Variants in ANP32A observed in about 807,000 individuals in gnomAD.
ANP32A encodes the protein acidic leucine-rich nuclear phosphoprotein 32 family member A.
Under a neutral mutation model 33.9 loss-of-function variants are expected in ANP32A, and 1 was observed. The observed-to-expected ratio is 0.03, with a 90% CI of 0.01 to 0.14. ANP32A has a LOEUF of 0.14. Among genes scored for constraint, ANP32A ranks in the 10% least tolerant of loss-of-function variants. The pLI, the probability that ANP32A is intolerant of heterozygous loss-of-function variation, is 1.00. For missense variants in ANP32A, 155 were observed against 306.0 expected, an observed-to-expected ratio of 0.51 and a Z score of 3.68; for synonymous variants, 115 against 120.5, an observed-to-expected ratio of 0.95 and a Z score of 0.30.
At chr15:68,814,043 G>C (rs1351058568) in intron 1 of ANP32A, among the ~76,000 whole-genome samples, 2 of 151,990 alleles carry the variant, frequency 1.3e-5, no homozygotes, top group Non-Finnish European at 2.9e-5. Flanking sequence ...CTAATTTTTT[G>C]TATTTTTACT....
rs564973986 is a variant in ANP32A, at chr15:68,799,404, CTTG to C, written c.55-11488_55-11486del. ...GTTTGGTGGTAGAACCTTACCTACACTTGTTGTTTTTTAAAAAGAGTGCAGGTT... is the reference window on the plus strand; with the variant it reads ...GTTTGGTGGTAGAACCTTACCTACACTTGTTTTTTAAAAAGAGTGCAGGTT... On this transcript the variant is annotated intron_variant, in intron 1 of 6. Coordinates refer to ENST00000465139, the MANE Select transcript of ANP32A (RefSeq NM_006305.4). Among the ~76,000 whole-genome samples, 5 of 152,254 alleles carry C rather than the reference CTTG, an allele frequency of 3.3e-5. No homozygotes were observed. The South Asian group carries it at 1.0e-3, about 32-fold the overall frequency.
chr15:68,786,504 C>A (rs1225748131), intron 3 of ANP32A, among the ~76,000 whole-genome samples: 1 of 152,096 alleles, frequency 6.6e-6, no homozygotes, highest in Non-Finnish European at 1.5e-5. Context: ...AGGTGATCCA[C>A]CTGCCTTGCC....
intron 1 of ANP32A, among the ~76,000 whole-genome samples, chr15:68,803,798 CTTTTTTTT>C (rs3985625): frequency 9.9e-6 from 1 of 101,156 alleles, no homozygotes; most frequent in Non-Finnish European, 1.9e-5. Flanking sequence ...ATTTCACAAA[CTTTTTTTT>C]TTTTTTTTTT....
chr15:68,796,741 G>A (rs1003507351), intron 1 of ANP32A, among the ~76,000 whole-genome samples: 1 of 152,306 alleles, frequency 6.6e-6, no homozygotes. Context: ...GCTTTGGTCC[G>A]CCTTGCCGCT....
Position 68,784,611 on chromosome 15 carries a change from T to C in ANP32A, c.328-16A>G, listed in dbSNP as rs1272159082. ...CTAACTTTTTCTGCAAGCGGAAAAA[T>C]GAAGCCAACAGTAAGTGATTTGTGG... On this transcript the variant is annotated splice_polypyrimidine_tract_variant and intron_variant, in intron 3 of 6. Transcript: ENST00000465139. 4 of 1,613,704 alleles carry C rather than the reference T, an allele frequency of 2.5e-6. No individual in the cohort carries two copies. Among genetic ancestry groups the C allele is most frequent in the Non-Finnish European group, 3.4e-6 (4 of 1,179,806 alleles).
chr15:68,787,728 C>A, intron 2 of ANP32A, 42 bp downstream of exon 2: 2 of 1,604,776 alleles, frequency 1.2e-6, no homozygotes, highest in South Asian at 1.1e-5. Context: ...TTCCCACTCC[C>A]CACCCCCGCC....
chr15:68,806,794 T>C (rs1026363583), intron 1 of ANP32A, among the ~76,000 whole-genome samples: 4 of 152,138 alleles, frequency 2.6e-5, no homozygotes, highest in African/African-American at 9.7e-5. Flanking sequence ...CGTGCAGAAG[T>C]GGAAGGAACG....
At chr15:68,805,275 G>C (rs990737662) in intron 1 of ANP32A, among the ~76,000 whole-genome samples, 25 of 152,364 alleles carry the variant, frequency 1.6e-4, no homozygotes, top group African/African-American at 6.0e-4. Context: ...ACGGCAGCTG[G>C]TGGTACAAAA....
chr15:68,810,030 G>C (rs1324816000), intron 1 of ANP32A, among the ~76,000 whole-genome samples: 1 of 152,222 alleles, frequency 6.6e-6, no homozygotes. Context: ...ATCTAAACCT[G>C]ACGGAGGAGG....
At chr15:68,788,415 C>G (rs1225957783) in intron 1 of ANP32A, among the ~76,000 whole-genome samples, 2 of 151,808 alleles carry the variant, frequency 1.3e-5, no homozygotes, top group Non-Finnish European at 2.9e-5. Context: ...GCCGCTGTAG[C>G]TGGCATTCAC....
At chr15:68,784,288 C>CTGGGTGGGGGA in intron 4 of ANP32A, 109 bp downstream of exon 4, 1 of 1,278,156 alleles carries the variant, frequency 7.8e-7, no homozygotes, top group Non-Finnish European at 1.1e-6. Flanking sequence ...CCTTCAGTAG[C>CTGGGTGGGGGA]TGGGTGGGGG....
At chr15:68,799,365 T>A (rs1268716149) in intron 1 of ANP32A, among the ~76,000 whole-genome samples, 1 of 152,176 alleles carries the variant, frequency 6.6e-6, no homozygotes, top group African/African-American at 2.4e-5. Flanking sequence ...CAGAGTTCCA[T>A]CCTCTTCATC....
intron 1 of ANP32A, among the ~76,000 whole-genome samples, chr15:68,816,756 T>C (rs955127039): frequency 3.3e-5 from 5 of 152,150 alleles, no homozygotes; most frequent in Admixed American, 6.5e-5. Context: ...CCTACCTCCT[T>C]GTGGCAGGAG....
Position 68,818,270 on chromosome 15 carries a change from G to C in ANP32A, c.54+2428C>G, listed in dbSNP as rs1020882471. 125 of 274,130 alleles carry C rather than the reference G, an allele frequency of 4.6e-4. 1 individual carries two copies. Among genetic ancestry groups the C allele is most frequent in the Non-Finnish European group, 8.4e-4 (109 of 129,032 alleles). 17.0% of individuals were successfully genotyped at this position (274,130 alleles called of 1,614,324 possible). On this transcript the variant is annotated intron_variant, in intron 1 of 6. Coordinates refer to ENST00000465139, the MANE Select transcript of ANP32A (RefSeq NM_006305.4). ...TGGCTGCTCGTCCTATTTCGGCGTC[G>C]CGGCATGGCCACCAGCTCCCGGAGC... is the stretch of plus-strand genomic sequence containing the variant.
intron 1 of ANP32A, among the ~76,000 whole-genome samples, chr15:68,788,291 A>G (rs1021085778): frequency 6.6e-6 from 1 of 152,254 alleles, no homozygotes; most frequent in African/African-American, 2.4e-5. Flanking sequence ...ACCCACATGC[A>G]CCAGCCACAG....
intron 1 of ANP32A, among the ~76,000 whole-genome samples, chr15:68,804,673 G>A (rs974874699): frequency 7.9e-5 from 12 of 152,054 alleles, no homozygotes; most frequent in Middle Eastern, 3.4e-3. Context: ...CCACCACCAC[G>A]CCCAATTAAT....
intron 5 of ANP32A, among the ~76,000 whole-genome samples, chr15:68,781,800 C>T (rs1893871519): frequency 6.6e-6 from 1 of 152,140 alleles, no homozygotes; most frequent in South Asian, 2.1e-4. Context: ...GATGGAGTCT[C>T]GCCATGTTGC....
chr15:68,796,124 T>C (rs570088432), intron 1 of ANP32A, among the ~76,000 whole-genome samples: 2 of 152,312 alleles, frequency 1.3e-5, no homozygotes, highest in East Asian at 3.9e-4. Context: ...TCTTGTCACC[T>C]AAGCTGGCGT....
At chr15:68,797,705 G>A (rs758461454) in intron 1 of ANP32A, among the ~76,000 whole-genome samples, 13 of 152,164 alleles carry the variant, frequency 8.5e-5, no homozygotes, top group Non-Finnish European at 1.8e-4. Flanking sequence ...TTTACAAAGT[G>A]CTTCTCCCCT....
Sources: allele counts gnomAD v4.1 joint callset (sites outside exome capture counted in the v4.1 genomes callset), GRCh38; gene constraint gnomAD v4.1.1; transcripts MANE v1.5; gene names NCBI Gene and HGNC (gene_info 2026-07-23, HGNC 2026-07-21).